Variants in SUSD4 observed in about 807,000 individuals in gnomAD.
SUSD4 encodes sushi domain containing 4.
A neutral mutation model predicts 50.5 loss-of-function variants in SUSD4; 41 were observed. That is an observed-to-expected ratio of 0.81 (90% confidence interval 0.63 to 1.05). The LOEUF is 1.05. SUSD4 is among the 50% of genes least tolerant of loss of function. The probability of loss-of-function intolerance (pLI) is 0.00; values close to 1 mark genes in which losing one functional copy is unlikely to be tolerated. For synonymous variants in SUSD4, 257 were observed against 257.3 expected (o/e 1.00, Z 0.01); for missense variants, 580 against 634.7 (o/e 0.91, Z 0.93).
rs1027833387 is a variant in SUSD4, at chr1:223,314,482, G to T, written c.149-21831C>A. Among the ~76,000 whole-genome samples the T allele has an allele frequency of 2.6e-5, 4 of 152,104 alleles. No individual in the cohort carries two copies. In the South Asian group the frequency reaches 8.3e-4, roughly 32 times the overall value. ...GGGGGAGACATGAGTGGGACAGAAAGATTTCAAAAATAGGAAGATGAGCTG... is the reference window on the plus strand; with the variant it reads ...GGGGGAGACATGAGTGGGACAGAAATATTTCAAAAATAGGAAGATGAGCTG... On this transcript the variant is annotated intron_variant, in intron 2 of 8. Transcript: ENST00000366878.
At chr1:223,309,671 G>A (rs1185725369) in intron 2 of SUSD4, among the ~76,000 whole-genome samples, 1 of 152,204 alleles carries the variant, frequency 6.6e-6, no homozygotes, top group Non-Finnish European at 1.5e-5. Flanking sequence ...ATCCTGGTGT[G>A]TAAGTTTGGT....
At chr1:223,248,192 G>C (rs975177042) in intron 5 of SUSD4, among the ~76,000 whole-genome samples, 5 of 152,130 alleles carry the variant, frequency 3.3e-5, no homozygotes, top group African/African-American at 9.7e-5. Context: ...TTAATGCTAC[G>C]GTCTCAAGTC....
At chr1:223,255,036 C>T (rs992669949) in intron 5 of SUSD4, among the ~76,000 whole-genome samples, 8 of 152,176 alleles carry the variant, frequency 5.3e-5, no homozygotes, top group African/African-American at 1.9e-4. Context: ...ACACGAACAG[C>T]ACCAGACACA....
intron 3 of SUSD4, among the ~76,000 whole-genome samples, chr1:223,291,600 C>G (rs1664498244): frequency 6.6e-6 from 1 of 151,424 alleles, no homozygotes; most frequent in African/African-American, 2.4e-5. Context: ...ATAAAAGCTC[C>G]ATTCCAAAAT....
chr1:223,238,788 A>G (rs1660383979), intron 5 of SUSD4, among the ~76,000 whole-genome samples: 1 of 151,912 alleles, frequency 6.6e-6, no homozygotes. Context: ...TTCCATATGG[A>G]CTTAGAAGAA....
chr1:223,339,876 C>T (rs1667660072), intron 2 of SUSD4, among the ~76,000 whole-genome samples: 1 of 152,224 alleles, frequency 6.6e-6, no homozygotes, highest in South Asian at 2.1e-4. Flanking sequence ...TCCGCTTACA[C>T]ACACTGAGCT....
rs1659755791 is a variant in SUSD4 at position 223,229,579 on chromosome 1, A to G, written c.725-191T>C. 1 of 550,260 alleles carries G rather than the reference A, an allele frequency of 1.8e-6. No homozygotes were observed. The highest frequency in any genetic ancestry group is 3.2e-5 in the Admixed American group (1 of 31,594). 34.1% of individuals were successfully genotyped at this position (550,260 alleles called of 1,614,324 possible). A position where few individuals can be genotyped will look rare whatever the true frequency, so the allele number is the denominator to read the frequency against. ...GGAAGGCGGAATGGAAGCCTGCTGT[A>G]ATATTCTGAGCACGTGCCGTTGTGA... On this transcript the variant is annotated intron_variant, in intron 5 of 8. Transcript: ENST00000366878. The surrounding 1 kb of genome is among the most constrained non-coding windows in gnomAD (Gnocchi z 4.7).
At chr1:223,341,916 C>T (rs1667782385) in intron 2 of SUSD4, among the ~76,000 whole-genome samples, 1 of 152,116 alleles carries the variant, frequency 6.6e-6, no homozygotes, top group South Asian at 2.1e-4. Context: ...TAAGTAACTT[C>T]TCGGGGCCTC....
At chr1:223,281,609 C>T (rs1241789615) in intron 3 of SUSD4, among the ~76,000 whole-genome samples, 5 of 152,130 alleles carry the variant, frequency 3.3e-5, no homozygotes, top group Non-Finnish European at 7.4e-5. Flanking sequence ...GCCTACCAAC[C>T]AAAAAGAGTT....
intron 3 of SUSD4, among the ~76,000 whole-genome samples, chr1:223,280,115 C>A (rs939002273): frequency 1.3e-5 from 2 of 152,158 alleles, no homozygotes; most frequent in Non-Finnish European, 2.9e-5. Context: ...ACAACCGGTA[C>A]CAGCCACAGC....
At chr1:223,255,446 C>A (rs771391020) in intron 5 of SUSD4, among the ~76,000 whole-genome samples, 2 of 152,060 alleles carry the variant, frequency 1.3e-5, no homozygotes, top group Middle Eastern at 3.2e-3. Flanking sequence ...AGGCAGAACC[C>A]GATGTATGAT....
intron 2 of SUSD4, among the ~76,000 whole-genome samples, chr1:223,362,940 A>ACCCC (rs1411258473): frequency 3.0e-5 from 2 of 66,294 alleles, no homozygotes; most frequent in African/African-American, 1.2e-4. Context: ...CCCACCCCCC[A>ACCCC]CCCCTCCCCC....
At chr1:223,271,112 A>C (rs768325074) in intron 3 of SUSD4, among the ~76,000 whole-genome samples, 2 of 152,214 alleles carry the variant, frequency 1.3e-5, no homozygotes, top group Non-Finnish European at 2.9e-5. Flanking sequence ...CTTGGCTGTA[A>C]ATAGGTACTG....
chr1:223,355,122 T>C (rs1668587890), intron 2 of SUSD4, among the ~76,000 whole-genome samples: 1 of 151,562 alleles, frequency 6.6e-6, no homozygotes, highest in Non-Finnish European at 1.5e-5. Flanking sequence ...TTGCCCAGGC[T>C]GGAGTTCAGT....
intron 3 of SUSD4, among the ~76,000 whole-genome samples, chr1:223,284,442 C>T (rs1474915386): frequency 6.6e-6 from 1 of 152,128 alleles, no homozygotes; most frequent in African/African-American, 2.4e-5. Context: ...CCAAGGAGAC[C>T]ATGGGAAATT....
At chr1:223,254,712 G>C (rs1188860328) in intron 5 of SUSD4, among the ~76,000 whole-genome samples, 4 of 152,188 alleles carry the variant, frequency 2.6e-5, no homozygotes, top group African/African-American at 9.7e-5. Context: ...GAATAATGAA[G>C]CTTCTTGATG....
In SUSD4 at chr1:223,241,238, A is replaced by G. The variant is rs115736178; in HGVS notation, c.725-11850T>C. ...GGCTCATTCTCCTCCCCCTGCCAGA[A>G]GCACAAGGGGATTTTTATGTGAGAA... On this transcript the variant is annotated intron_variant, in intron 5 of 8. Transcript: ENST00000366878. 4.9e-3 allele frequency among the ~76,000 whole-genome samples: 753 copies of G among 152,314 alleles called. 8 individuals are homozygous for G. The highest frequency in any genetic ancestry group is 0.017 in the African/African-American group (722 of 41,566).
chr1:223,360,258 G>A (rs1447113620), intron 2 of SUSD4: 2 of 470,470 alleles, frequency 4.3e-6, no homozygotes, highest in Admixed American at 2.4e-5. Context: ...AAGCCTGGGG[G>A]TGGGGGGCAC....
chr1:223,292,406 T>C (rs1332108113), intron 3 of SUSD4, 33 bp downstream of exon 3: 1 of 1,612,998 alleles, frequency 6.2e-7, no homozygotes, highest in South Asian at 1.1e-5. Flanking sequence ...TTGAACCACA[T>C]GAGTGGCTTC....
Sources: gnomAD v4.1 joint callset for allele counts (sites outside exome capture counted in the v4.1 genomes callset) on GRCh38, gnomAD v4.1.1 for gene constraint, Gnocchi (gnomAD v3.1) non-coding constraint, MANE v1.5 for transcripts, NCBI Gene and HGNC (gene_info 2026-07-23, HGNC 2026-07-21) for gene names.